Variants in PHRF1 observed in about 807,000 individuals in gnomAD.
The protein encoded by PHRF1 is PHD and RING finger domain-containing protein 1.
In PHRF1, 53 loss-of-function variants were observed where a neutral mutation model predicts 128.9. That is an observed-to-expected ratio of 0.41 (90% CI 0.33 to 0.52). The LOEUF (loss-of-function observed/expected upper bound fraction) is 0.52, where lower values mean the gene tolerates loss of function less well. Ranked by LOEUF, PHRF1 falls within the 20% of genes least tolerant of loss-of-function variation. PHRF1 has a pLI of 0.21. For missense variants in PHRF1, 2,503 were observed against 2,284.5 expected (o/e 1.10, Z -1.95); for synonymous variants, 1,178 against 980.6 (o/e 1.20, Z -3.76).
chr11:606,677 C>T lies in PHRF1; in HGVS notation c.1609+81C>T, dbSNP rs771774415. 1.1e-4 allele frequency: 159 copies of T among 1,484,226 alleles called. No homozygotes were observed. The Middle Eastern group carries it at 2.4e-3, about 22-fold the overall frequency. 91.9% of individuals were successfully genotyped at this position (1,484,226 alleles called of 1,614,324 possible). A position where few individuals can be genotyped will look rare whatever the true frequency, so the allele number is the denominator to read the frequency against. On this transcript the variant is annotated intron_variant, in intron 13 of 17. Coordinates refer to ENST00000264555, the MANE Select transcript of PHRF1 (RefSeq NM_001286581.2). ...GTTCGCAAGCACTCAGCCCATGTCT[C>T]AGTCACGGAAGATGTAGCTGAAGTT...
At position 611,996 on chromosome 11, in the gene PHRF1, T is replaced by A; in HGVS notation, c.*219T>A. 1.5e-6 allele frequency: 1 copy of A among 652,588 alleles called. No individual in the cohort carries two copies. Among genetic ancestry groups the A allele is most frequent in the Non-Finnish European group, 2.6e-6 (1 of 388,090 alleles). 40.4% of individuals were successfully genotyped at this position (652,588 alleles called of 1,614,324 possible). A position where few individuals can be genotyped will look rare whatever the true frequency, so the allele number is the denominator to read the frequency against. On this transcript the variant is annotated 3_prime_UTR_variant, in exon 18 of 18. Coordinates refer to ENST00000264555, the MANE Select transcript of PHRF1 (RefSeq NM_001286581.2). Reference sequence around the variant, plus strand: ...GCTCACAGTTGAAAACTGGACACTTTTGTATGTATATTATAGAGACACTGT... The same window carrying A: ...GCTCACAGTTGAAAACTGGACACTTATGTATGTATATTATAGAGACACTGT...
At chr11:606,918 T>G in intron 13 of PHRF1, 148 bp from the exon 14 acceptor site, 4 of 1,287,992 alleles carry the variant, frequency 3.1e-6, no homozygotes, top group Non-Finnish European at 3.1e-6. Context: ...GCTCTCCGGG[T>G]GTGGAAAGGC....
At chr11:583,172 C>G (rs893096813) in intron 3 of PHRF1, among the ~76,000 whole-genome samples, 1 of 151,482 alleles carries the variant, frequency 6.6e-6, no homozygotes, top group African/African-American at 2.4e-5. Flanking sequence ...AACCCCGTCT[C>G]TACTAAAAAT....
At position 607,234 on chromosome 11, in the gene PHRF1, C is replaced by T; in HGVS notation, c.1778C>T (p.Ala593Val). The change falls in exon 14 of 18, where the codon GCC (alanine) becomes GTC (valine). Residue 593 changes from alanine (A) to valine (V), a missense_variant. Physicochemically the swap from Ala to Val is moderately conservative, Grantham distance 64. Transcript: ENST00000264555. ...TGTCAAGGCAGGTCCCGCACCCCCG[C>T]CCGCACCGCGGGGGCGCCTGTGAGG... ...LSCQGRSRTPARTAGAPVRLD... is the reference protein window; with the variant it reads ...LSCQGRSRTPVRTAGAPVRLD... 1.9e-6 allele frequency: 3 copies of T among 1,612,402 alleles called. No individual in the cohort carries two copies. The South Asian group carries it at 3.3e-5, about 18-fold the overall frequency.
intron 9 of PHRF1, 126 bp downstream of exon 9, chr11:598,628 C>T (rs1479446677): frequency 1.4e-6 from 2 of 1,388,230 alleles, no homozygotes; most frequent in Non-Finnish European, 1.9e-6. Flanking sequence ...ATCTTCTCTG[C>T]TGAAAACACT....
intron 2 of PHRF1, 50 bp downstream of exon 2, chr11:581,656 C>G (rs749569222): frequency 6.6e-7 from 1 of 1,522,894 alleles, no homozygotes; most frequent in South Asian, 1.2e-5. Context: ...AGCAGGGTGC[C>G]TGGTGTTTCC....
Position 607,282 on chromosome 11 carries a change from G to A in PHRF1, c.1826G>A (p.Gly609Glu). 1 of 1,612,682 alleles carries A rather than the reference G, an allele frequency of 6.2e-7. No homozygotes were observed. Among genetic ancestry groups the A allele is most frequent in the Non-Finnish European group, 8.5e-7 (1 of 1,179,874 alleles). ...PVRLDLPAAPGAVQARNLSNG... is the reference protein window; with the variant it reads ...PVRLDLPAAPEAVQARNLSNG... ...AGGCTGGACTTGCCAGCAGCCCCTG[G>A]GGCGGTTCAGGCTCGGAACTTGTCA... Residue 609 changes from glycine (G) to glutamate (E), a missense_variant, in exon 14 of 18, where the codon GGG becomes GAG. By Grantham distance (98) the Gly-to-Glu change is moderately conservative (BLOSUM62 -2). Coordinates refer to ENST00000264555, the MANE Select transcript of PHRF1 (RefSeq NM_001286581.2).
rs1045803141 is a variant in PHRF1 at position 587,303 on chromosome 11, G to T, written c.259G>T (p.Ala87Ser). The change falls in exon 4 of 18, where the codon GCG becomes TCG. Residue 87 changes from alanine (A) to serine (S), a missense_variant. Transcript: ENST00000264555. ...EDDGETLLEV[A>S]GTQGKLEAAG... ...CGACGGGGAGACATTGCTGGAGGTA[G>T]CGGGTACTCAGGGGAAACTGGAAGC... The T allele has an allele frequency of 1.2e-6, 2 of 1,613,686 alleles. No homozygotes were observed. The highest frequency in any genetic ancestry group is 2.7e-5 in the African/African-American group (2 of 75,062).
chr11:598,353 C>T lies in PHRF1; in HGVS notation c.895-20C>T, dbSNP rs751732597. 3.7e-6 allele frequency: 6 copies of T among 1,603,154 alleles called. No individual in the cohort carries two copies. The East Asian group carries it at 8.9e-5, about 24-fold the overall frequency. On this transcript the variant is annotated intron_variant, in intron 8 of 17. Transcript: ENST00000264555. ...CTGAGGCCCCAAGGGCATCTGACGG[C>T]ACCACCCCTTTGCCTGTAGCACACA... is the stretch of plus-strand genomic sequence containing the variant.
intron 6 of PHRF1, among the ~76,000 whole-genome samples, chr11:595,849 A>C (rs968074976): frequency 2.0e-5 from 3 of 152,094 alleles, no homozygotes; most frequent in African/African-American, 7.2e-5. Flanking sequence ...ATAAGAACAG[A>C]TGTTAGGGGA....
At chr11:603,767 T>C (rs1404484510) in intron 10 of PHRF1, among the ~76,000 whole-genome samples, 7 of 129,896 alleles carry the variant, frequency 5.4e-5, no homozygotes, top group Non-Finnish European at 1.1e-4. Context: ...GGAGTTTCGC[T>C]CTTGTTGCTG....
intron 5 of PHRF1, 63 bp from the exon 6 acceptor site, chr11:592,496 C>T (rs1201712810): frequency 2.4e-5 from 36 of 1,507,354 alleles, no homozygotes; most frequent in Middle Eastern, 1.7e-4. Context: ...CTGCGTTTCA[C>T]GCTGGGAAGT....
At chr11:599,575 A>G (rs1484913132) in intron 9 of PHRF1, among the ~76,000 whole-genome samples, 1 of 152,016 alleles carries the variant, frequency 6.6e-6, no homozygotes, top group African/African-American at 2.4e-5. Context: ...GCTTTTTATT[A>G]AGTGAATGCA....
intron 4 of PHRF1, among the ~76,000 whole-genome samples, chr11:590,017 T>TGCAAACGGGC (rs1854862044): frequency 7.0e-6 from 1 of 141,932 alleles, no homozygotes; most frequent in African/African-American, 2.7e-5. Flanking sequence ...AGAGAGTGTC[T>TGCAAACGGGC]GTAAACGGGC....
At position 609,683 on chromosome 11, in the gene PHRF1, G is replaced by C. The variant is rs1419673977; in HGVS notation, c.4227G>C (p.Glu1409Asp). The change falls in exon 14 of 18, where the codon GAG (glutamate) becomes GAC (aspartate). Residue 1409 changes from glutamate to aspartate, a missense_variant. Coordinates refer to ENST00000264555, the MANE Select transcript of PHRF1 (RefSeq NM_001286581.2). ...AGCGGGTCACCTGGAACCTGCAGGA[G>C]TCGGAGAGCAGCGCCCCCGCCGAGG... The part of the protein sequence containing the change: ...LVKRVTWNLQ[E>D]SESSAPAEDR... The C allele has an allele frequency of 6.5e-7, 1 of 1,532,312 alleles. No individual in the cohort carries two copies. The highest frequency in any genetic ancestry group is 8.8e-7 in the Non-Finnish European group (1 of 1,142,472). 94.9% of individuals were successfully genotyped at this position (1,532,312 alleles called of 1,614,324 possible).
chr11:589,793 G>T (rs1030947532), intron 4 of PHRF1, among the ~76,000 whole-genome samples: 3 of 149,364 alleles, frequency 2.0e-5, no homozygotes, highest in Non-Finnish European at 4.4e-5. Context: ...GCCTGAGAGG[G>T]TGTCTGCAAA....
chr11:608,546 G>C lies in PHRF1; in HGVS notation c.3090G>C (p.Ser1030=). Residue 1030 remains serine, a synonymous_variant, in exon 14 of 18, where the codon TCG becomes TCC. Coordinates refer to ENST00000264555, the MANE Select transcript of PHRF1 (RefSeq NM_001286581.2). ...GCTCTGAATCCAGGGACAGGAGCTC[G>C]AGGTCAGCGTCACCATCAGTGGGTG... ...GTRSESRDRS[S]RSASPSVGEE... The C allele has an allele frequency of 6.2e-7, 1 of 1,612,306 alleles. No homozygotes were observed. Among genetic ancestry groups the C allele is most frequent in the Non-Finnish European group, 8.5e-7 (1 of 1,179,796 alleles).
Position 605,290 on chromosome 11 carries a change from C to T in PHRF1, c.1324C>T (p.Pro442Ser). The T allele has an allele frequency of 6.2e-7, 1 of 1,613,310 alleles. No individual in the cohort carries two copies. The highest frequency in any genetic ancestry group is 1.3e-5 in the African/African-American group (1 of 75,048). The change falls in exon 11 of 18, where the codon CCC (proline) becomes TCC (serine). Residue 442 changes from proline (P) to serine (S), a missense_variant. Physicochemically the swap from Pro to Ser is moderately conservative, Grantham distance 74 (BLOSUM62 -1). Coordinates refer to ENST00000264555, the MANE Select transcript of PHRF1 (RefSeq NM_001286581.2). ...SLFGDPYELD[P>S]FDSSEELSAN... is the part of the protein sequence containing the mutation. ...GTTTGGAGATCCTTATGAGCTGGAT[C>T]CCTTCGACAGGTGAGTGAACTGGTG...
intron 15 of PHRF1, 45 bp from the exon 16 acceptor site, chr11:610,456 C>T: frequency 6.3e-7 from 1 of 1,577,020 alleles, no homozygotes; most frequent in Non-Finnish European, 8.6e-7. Context: ...GGGCACAGAG[C>T]TGCTAGCTGT....
Sources: allele counts gnomAD v4.1 joint callset (sites outside exome capture counted in the v4.1 genomes callset), GRCh38; gene constraint gnomAD v4.1.1; transcripts MANE v1.5; gene names NCBI Gene and HGNC (gene_info 2026-07-23, HGNC 2026-07-21).